PICALM: variants seen among roughly 807,000 people sequenced by gnomAD.
PICALM encodes phosphatidylinositol binding clathrin assembly protein, also known as phosphatidylinositol-binding clathrin assembly protein.
In PICALM, 40 loss-of-function variants were observed where a neutral mutation model predicts 80.5. That is an observed-to-expected ratio of 0.50 (90% CI 0.39 to 0.65). PICALM has a LOEUF of 0.65. Ranked by LOEUF, PICALM falls within the 30% of genes least tolerant of loss-of-function variation. The pLI is 0.00. For missense variants in PICALM, 676 were observed against 778.9 expected (o/e 0.87, Z 1.57); for synonymous variants, 288 against 260.3 (o/e 1.11, Z -1.02).
At chr11:85,981,426 C>T (rs964766486) in intron 16 of PICALM, among the ~76,000 whole-genome samples, 198 bp from the exon 17 acceptor site, 3 of 151,810 alleles carry the variant, frequency 2.0e-5, no homozygotes, top group Admixed American at 6.6e-5. Flanking sequence ...GCTAACACGG[C>T]GAAACCCCGT....
chr11:86,068,535 G>A, intron 1 of PICALM, 116 bp downstream of exon 1: 1 of 990,284 alleles, frequency 1.0e-6, no homozygotes, highest in Non-Finnish European at 1.5e-6. Flanking sequence ...GGCCGTGCCA[G>A]AGAAGACGCA....
At chr11:86,068,215 A>T (rs1308832268) in intron 1 of PICALM, among the ~76,000 whole-genome samples, 1 of 152,182 alleles carries the variant, frequency 6.6e-6, no homozygotes, top group Non-Finnish European at 1.5e-5. Context: ...CCAGGCGTTT[A>T]CTGAAACCCG....
At chr11:86,032,849 T>C (rs1277515005) in intron 1 of PICALM, among the ~76,000 whole-genome samples, 1 of 152,204 alleles carries the variant, frequency 6.6e-6, no homozygotes, top group Non-Finnish European at 1.5e-5. Context: ...CCTTGATTGC[T>C]AGCAAGAAAT....
intron 5 of PICALM, among the ~76,000 whole-genome samples, chr11:86,014,398 G>C (rs1241510737): frequency 2.0e-5 from 3 of 152,182 alleles, no homozygotes; most frequent in African/African-American, 7.2e-5. Context: ...TCAAGTCATG[G>C]TCATTAAAAC....
chr11:86,024,702 C>T (rs2095622513), intron 3 of PICALM, among the ~76,000 whole-genome samples: 1 of 152,130 alleles, frequency 6.6e-6, no homozygotes, highest in Non-Finnish European at 1.5e-5. Flanking sequence ...GGGCTATCTG[C>T]CACTACATGT....
At chr11:86,000,407 T>G (rs1414838161) in intron 11 of PICALM, among the ~76,000 whole-genome samples, 1 of 152,250 alleles carries the variant, frequency 6.6e-6, no homozygotes, top group Non-Finnish European at 1.5e-5. Context: ...AGATAACAGC[T>G]ATATTCCTAT....
chr11:85,995,796 T>C (rs994369605), intron 12 of PICALM, among the ~76,000 whole-genome samples: 1 of 152,180 alleles, frequency 6.6e-6, no homozygotes, highest in Admixed American at 6.5e-5. Context: ...GAAACTGCTT[T>C]CTTAATCTTA....
At position 85,978,175 on chromosome 11, in the gene PICALM, G is replaced by C. The variant is rs370802160; in HGVS notation, c.1780-1493C>G. On this transcript the variant is annotated intron_variant, in intron 17 of 19. Coordinates refer to ENST00000393346, the MANE Select transcript of PICALM (RefSeq NM_007166.4). ...ACTTACACAACAGAAAATACACAGA[G>C]AGCATTTTAGTTCACATGTACATTC... 4 of 1,168,740 alleles carry C rather than the reference G, an allele frequency of 3.4e-6. No individual in the cohort carries two copies. In the African/African-American group the frequency reaches 4.5e-5, roughly 13 times the overall value. 72.4% of individuals were successfully genotyped at this position (1,168,740 alleles called of 1,614,324 possible).
chr11:86,066,716 A>G (rs1034127228), intron 1 of PICALM, among the ~76,000 whole-genome samples: 1 of 151,708 alleles, frequency 6.6e-6, no homozygotes, highest in Non-Finnish European at 1.5e-5. Flanking sequence ...TAGTTCACAC[A>G]GTCACAACTA....
chr11:85,960,498 T>G (rs1310652152), intron 19 of PICALM, among the ~76,000 whole-genome samples: 1 of 152,226 alleles, frequency 6.6e-6, no homozygotes, highest in Non-Finnish European at 1.5e-5. Context: ...TTCCAAAAGT[T>G]GTTTTTCCTT....
chr11:86,014,033 T>C (rs2095441410), intron 5 of PICALM, among the ~76,000 whole-genome samples: 1 of 152,220 alleles, frequency 6.6e-6, no homozygotes, highest in Admixed American at 6.5e-5. Flanking sequence ...TAAGCTGTAG[T>C]TGGATAATCT....
chr11:85,980,509 T>G (rs2094410462), intron 17 of PICALM, among the ~76,000 whole-genome samples: 2 of 152,156 alleles, frequency 1.3e-5, no homozygotes, highest in African/African-American at 4.8e-5. Flanking sequence ...GTGTTTGGGG[T>G]GACTTAAGTA....
intron 1 of PICALM, among the ~76,000 whole-genome samples, chr11:86,050,948 G>C (rs1204452106): frequency 3.3e-5 from 5 of 152,156 alleles, no homozygotes; most frequent in Non-Finnish European, 7.3e-5. Flanking sequence ...TCAGTCACCT[G>C]AGTAGCTGGG....
At chr11:85,990,007 C>CAAAA (rs2094710674) in intron 13 of PICALM, among the ~76,000 whole-genome samples, 2 of 11,902 alleles carry the variant, frequency 1.7e-4, no homozygotes, top group African/African-American at 4.7e-4. Context: ...GAACCAAACA[C>CAAAA]CAAAAAAAAA....
intron 1 of PICALM, among the ~76,000 whole-genome samples, chr11:86,044,087 A>G (rs2096023395): frequency 6.6e-6 from 1 of 152,234 alleles, no homozygotes; most frequent in Non-Finnish European, 1.5e-5. Context: ...AGAAATATAC[A>G]ATAGTGGACA....
chr11:86,009,497 G>C (rs2095352638), intron 7 of PICALM, among the ~76,000 whole-genome samples: 1 of 151,656 alleles, frequency 6.6e-6, no homozygotes, highest in African/African-American at 2.4e-5. Context: ...TTCAAGACCA[G>C]CCTGGCCAAC....
intron 12 of PICALM, among the ~76,000 whole-genome samples, chr11:85,991,632 C>T (rs1437470612): frequency 2.6e-5 from 4 of 151,330 alleles, no homozygotes; most frequent in African/African-American, 4.9e-5. Flanking sequence ...AAGAACTTTT[C>T]TATATAGTAT....
chr11:85,989,952 C>G (rs1352507986), intron 13 of PICALM, among the ~76,000 whole-genome samples: 1 of 135,526 alleles, frequency 7.4e-6, no homozygotes, highest in Non-Finnish European at 1.5e-5. Flanking sequence ...CAGGAAGCTG[C>G]ATGTGATACT....
chr11:86,007,748 A>G (rs370784812), intron 7 of PICALM, among the ~76,000 whole-genome samples, 165 bp from the exon 8 acceptor site: 3 of 152,158 alleles, frequency 2.0e-5, no homozygotes, highest in East Asian at 3.8e-4. Flanking sequence ...AATGGCTTAG[A>G]TATTATTTGG....
Sources: gnomAD v4.1 joint callset for allele counts (sites outside exome capture counted in the v4.1 genomes callset) on GRCh38, gnomAD v4.1.1 for gene constraint, MANE v1.5 for transcripts, NCBI Gene and HGNC (gene_info 2026-07-23, HGNC 2026-07-21) for gene names.